The following SYCP2 variants were observed in gnomAD, a reference collection of about 807,000 sequenced individuals.
The protein encoded by SYCP2 is synaptonemal complex lateral element protein.
Under a neutral mutation model 211.3 loss-of-function variants are expected in SYCP2, and 55 were observed. The ratio of observed to expected loss-of-function variants is 0.26; its 90% CI spans 0.21 to 0.33. The LOEUF (loss-of-function observed/expected upper bound fraction) is 0.33, where lower values mean the gene tolerates loss of function less well. Among genes scored for constraint, SYCP2 ranks in the 10% least tolerant of loss-of-function variants. The pLI is 1.00. For synonymous variants in SYCP2, 570 were observed against 555.2 expected, an observed-to-expected ratio of 1.03 and a Z score of -0.37; for missense variants, 1,731 against 1,752.0, an observed-to-expected ratio of 0.99 and a Z score of 0.21.
chr20:59,871,744 C>A (rs1164774993), intron 35 of SYCP2, among the ~76,000 whole-genome samples: 1 of 151,764 alleles, frequency 6.6e-6, no homozygotes, highest in African/African-American at 2.4e-5. Context: ...TAAGTAATCT[C>A]TAGATTACTT....
Position 59,922,468 on chromosome 20 carries a change from G to C in SYCP2, c.-46-9C>G, listed in dbSNP as rs1600989734. ...CAAGACAAAATAAACACCTATAAAA[G>C]AAAACATATATTTTCTGTATCTCAC... On this transcript the variant is annotated splice_polypyrimidine_tract_variant and intron_variant, in intron 2 of 44. Transcript: ENST00000357552. 1 of 1,277,116 alleles carries C rather than the reference G, an allele frequency of 7.8e-7. No individual in the cohort carries two copies. Among genetic ancestry groups the C allele is most frequent in the African/African-American group, 1.6e-5 (1 of 63,232 alleles). The allele number at this position is 1,277,116 out of a possible 1,614,324, so 79.1% of individuals were successfully genotyped here.
rs13042064 is a variant in SYCP2 at position 59,874,011 on chromosome 20, T to G, written c.3400A>C (p.Thr1134Pro). ...TTTGGATAAGGTGATATAGATTTTG[T>G]TATGCAGTCATAATCCTGAGTAAAA... ...KDFTQDYDCI[T>P]KSISPYPKTS... Residue 1134 changes from threonine (T) to proline (P), a missense_variant, in exon 35 of 45, where the codon ACA (threonine) becomes CCA (proline). By Grantham distance (38) the Thr-to-Pro change is conservative. Around this residue, in one of 3 missense-constraint regions of SYCP2, gnomAD observed 1,387 missense variants for 1,351.3 expected, o/e 1.03. Coordinates refer to ENST00000357552, the MANE Select transcript of SYCP2 (RefSeq NM_014258.4). 1.2e-6 allele frequency: 2 copies of G among 1,612,312 alleles called. No homozygotes were observed. Among genetic ancestry groups the G allele is most frequent in the Non-Finnish European group, 1.7e-6 (2 of 1,178,900 alleles).
chr20:59,864,457 GAAA>G (rs376056840), intron 44 of SYCP2, 69 bp from the exon 45 acceptor site: 3 of 836,120 alleles, frequency 3.6e-6, no homozygotes, highest in Non-Finnish European at 5.2e-6. Context: ...AAATAAAATA[GAAA>G]AAAAAAAATC....
chr20:59,909,269 C>T (rs970426081), intron 14 of SYCP2, among the ~76,000 whole-genome samples: 5 of 152,206 alleles, frequency 3.3e-5, no homozygotes, highest in African/African-American at 1.2e-4. Flanking sequence ...TCTCTACTTA[C>T]AGCTCAACTT....
At chr20:59,914,944 A>G (rs2060408149) in intron 10 of SYCP2, among the ~76,000 whole-genome samples, 1 of 152,046 alleles carries the variant, frequency 6.6e-6, no homozygotes, top group Admixed American at 6.5e-5. Context: ...ATTATTCATA[A>G]GTCTACCATT....
intron 18 of SYCP2, among the ~76,000 whole-genome samples, chr20:59,898,085 A>T (rs1600898333): frequency 6.6e-6 from 1 of 151,700 alleles, no homozygotes; most frequent in Admixed American, 6.6e-5. Flanking sequence ...GCACCACTGC[A>T]CTCCAGCCTG....
At chr20:59,868,364 AC>A in intron 38 of SYCP2, 48 bp downstream of exon 38, 1 of 1,571,180 alleles carries the variant, frequency 6.4e-7, no homozygotes, top group South Asian at 1.2e-5. Flanking sequence ...AAATATAAGA[AC>A]CACCCTCCAA....
Position 59,879,973 on chromosome 20 carries a change from A to G in SYCP2, c.2941+330T>C, listed in dbSNP as rs982612891. On this transcript the variant is annotated intron_variant, in intron 31 of 44. Transcript: ENST00000357552. ...GTGTCAAAGTTCAAGCCTTGGTCTT[A>G]AAGGTGTTGGGTTCATGAGTACTTG... Among the ~76,000 whole-genome samples, 5 of 150,398 alleles carry G rather than the reference A, an allele frequency of 3.3e-5. No individual in the cohort carries two copies. In the South Asian group the frequency reaches 8.3e-4, roughly 25 times the overall value.
rs959516433 is a variant in SYCP2 at position 59,881,616 on chromosome 20, C to G, written c.2659-124G>C. 3.6e-5 allele frequency: 19 copies of G among 531,480 alleles called. 1 individual carries two copies. In the South Asian group the frequency reaches 6.4e-4, roughly 18 times the overall value. The allele number at this position is 531,480 out of a possible 1,614,324, so 32.9% of individuals were successfully genotyped here. On this transcript the variant is annotated intron_variant, in intron 28 of 44. Coordinates refer to ENST00000357552, the MANE Select transcript of SYCP2 (RefSeq NM_014258.4). Reference sequence around the variant, plus strand: ...AAGATTTGACATAAAATTAACTTTACTACAATATTTGTATTTGAAAAGAAA... The same window carrying G: ...AAGATTTGACATAAAATTAACTTTAGTACAATATTTGTATTTGAAAAGAAA...
chr20:59,868,627 T>C, intron 37 of SYCP2, 59 bp from the exon 38 acceptor site: 2 of 1,496,944 alleles, frequency 1.3e-6, no homozygotes, highest in Non-Finnish European at 1.8e-6. Flanking sequence ...ATACCTCATA[T>C]TTTCTTGCTT....
chr20:59,879,862 TACAC>T (rs1236840424), intron 31 of SYCP2, among the ~76,000 whole-genome samples: 36 of 116,056 alleles, frequency 3.1e-4, no homozygotes, highest in East Asian at 2.8e-3. Flanking sequence ...TATATATATA[TACAC>T]ACACACACAC....
chr20:59,905,336 T>C (rs866660973), intron 15 of SYCP2, among the ~76,000 whole-genome samples: 39 of 152,298 alleles, frequency 2.6e-4, no homozygotes, highest in African/African-American at 9.1e-4. Flanking sequence ...CATTTCATAA[T>C]AGCTAAAAAC....
intron 35 of SYCP2, among the ~76,000 whole-genome samples, chr20:59,872,631 T>TG (rs143283133): frequency 0.036 from 5,524 of 151,890 alleles, 302 homozygotes; most frequent in African/African-American, 0.11. Flanking sequence ...AGGCATCTAT[T>TG]GGGGGGGTCT....
At position 59,913,603 on chromosome 20, in the gene SYCP2, G is replaced by A. The variant is rs373530664; in HGVS notation, c.830+372C>T. 5.5e-4 allele frequency among the ~76,000 whole-genome samples: 84 copies of A among 152,198 alleles called. 1 individual carries two copies. The South Asian group carries it at 0.017, about 30-fold the overall frequency. On this transcript the variant is annotated intron_variant, in intron 12 of 44. Transcript: ENST00000357552. ...ATTCCAGTATGTGGATGAAGGAGAT[G>A]ATTCAAGTAATAAATATGTCTAGAT...
At position 59,922,378 on chromosome 20, in the gene SYCP2, A is replaced by G. The variant is rs921841895; in HGVS notation, c.24+12T>C. On this transcript the variant is annotated intron_variant, in intron 3 of 44. Coordinates refer to ENST00000357552, the MANE Select transcript of SYCP2 (RefSeq NM_014258.4). ...GAATGAAAATACTTACTTTTGGTCT[A>G]GGACTACATACCTGGAGATCTGGTC... 2 of 1,571,044 alleles carry G rather than the reference A, an allele frequency of 1.3e-6. No homozygotes were observed. Among genetic ancestry groups the G allele is most frequent in the African/African-American group, 2.8e-5 (2 of 71,770 alleles).
intron 26 of SYCP2, among the ~76,000 whole-genome samples, chr20:59,885,389 T>C (rs1208572333): frequency 6.6e-6 from 1 of 151,996 alleles, no homozygotes; most frequent in Non-Finnish European, 1.5e-5. Flanking sequence ...ATCCAGAGAT[T>C]AGAAATCAGA....
chr20:59,905,354 A>G (rs149418997), intron 15 of SYCP2, among the ~76,000 whole-genome samples: 244 of 152,350 alleles, frequency 1.6e-3, no homozygotes, highest in Admixed American at 2.8e-3. Context: ...AACTGGGAAC[A>G]TTACAAATGC....
intron 15 of SYCP2, among the ~76,000 whole-genome samples, chr20:59,906,430 A>G (rs2060214944): frequency 6.6e-6 from 1 of 152,212 alleles, no homozygotes; most frequent in Middle Eastern, 3.4e-3. Context: ...CAACAAAGAA[A>G]CCAAAGAAAT....
At chr20:59,879,326 ACTTCC>A (rs780663613) in intron 31 of SYCP2, among the ~76,000 whole-genome samples, 1,800 of 151,972 alleles carry the variant, frequency 0.012, 127 homozygotes, top group Admixed American at 0.099. Flanking sequence ...CTGCTGCTTT[ACTTCC>A]TCATGTATCT....
Sources: gnomAD v4.1 joint callset for allele counts (sites outside exome capture counted in the v4.1 genomes callset) on GRCh38, gnomAD v4.1.1 for gene constraint, gnomAD v4.1.1 regional missense constraint, MANE v1.5 for transcripts, NCBI Gene and HGNC (gene_info 2026-07-23, HGNC 2026-07-21) for gene names.